ALG12: variants seen among roughly 807,000 people sequenced by gnomAD.
ALG12 encodes ALG12 alpha-1,6-mannosyltransferase, also known as dol-P-Man:Man(7)GlcNAc(2)-PP-Dol alpha-1,6-mannosyltransferase.
ALG12 carries 36 observed loss-of-function variants against 46.0 expected under a neutral mutation model. That is an observed-to-expected ratio of 0.78 (90% confidence interval 0.60 to 1.03). ALG12 has a LOEUF of 1.03. Ranked by LOEUF, ALG12 falls within the 50% of genes least tolerant of loss-of-function variation. The pLI is 0.00. For synonymous variants in ALG12, 326 were observed against 291.6 expected (o/e 1.12, Z -1.20); for missense variants, 599 against 633.5 (o/e 0.95, Z 0.58).
In ALG12 at chr22:49,913,859, C is replaced by T. The variant is rs1004052714; in HGVS notation, c.-78-16G>A. The stretch of plus-strand genomic sequence containing the variant: ...TCCACGCATGCTGGAAAAGTGGAAA[C>T]AGATTCCTGAGGTTCGAAAGTCACG... On this transcript the variant is annotated splice_polypyrimidine_tract_variant and intron_variant, in intron 1 of 9. Coordinates refer to ENST00000330817, the MANE Select transcript of ALG12 (RefSeq NM_024105.4). 1.4e-5 allele frequency: 21 copies of T among 1,554,450 alleles called. No homozygotes were observed. Among genetic ancestry groups the T allele is most frequent in the Non-Finnish European group, 1.8e-5 (21 of 1,136,826 alleles).
intron 3 of ALG12, among the ~76,000 whole-genome samples, chr22:49,911,714 G>A (rs62233159): frequency 0.078 from 11,940 of 152,148 alleles, 579 homozygotes; most frequent in South Asian, 0.12. Flanking sequence ...GATTACAGGC[G>A]TGAGCCACCA....
chr22:49,887,220 A>C, the ALG12 span: 1 of 1,559,880 alleles, frequency 6.4e-7, no homozygotes, highest in Non-Finnish European at 8.7e-7. Context: ...TGGCTGCCCC[A>C]GCGTTAGCAG....
downstream of ALG12, among the ~76,000 whole-genome samples, chr22:49,898,259 C>T (rs2060491513): frequency 6.6e-6 from 1 of 151,690 alleles, no homozygotes; most frequent in African/African-American, 2.4e-5. Context: ...CCTCCTTCCT[C>T]AGCCTCCCAA....
At chr22:49,913,236 A>C (rs1440411877) in intron 3 of ALG12, 149 bp downstream of exon 3, 5 of 1,272,080 alleles carry the variant, frequency 3.9e-6, no homozygotes, top group Non-Finnish European at 5.6e-6. Context: ...TGACCTGAGC[A>C]CCTGCTCTGA....
At chr22:49,907,687 C>G (rs775584084) in intron 7 of ALG12, 34 bp downstream of exon 7, 1 of 1,599,964 alleles carries the variant, frequency 6.3e-7, no homozygotes, top group Non-Finnish European at 8.6e-7. Flanking sequence ...TCCAATGAAA[C>G]TATAAAAATG....
downstream of ALG12, among the ~76,000 whole-genome samples, chr22:49,896,173 C>T (rs976536063): frequency 6.6e-6 from 1 of 152,226 alleles, no homozygotes; most frequent in Non-Finnish European, 1.5e-5. Flanking sequence ...TAAATATGCA[C>T]GTGTCTCTTG....
At chr22:49,909,840 T>G in intron 5 of ALG12, 54 bp downstream of exon 5, 1 of 1,611,134 alleles carries the variant, frequency 6.2e-7, no homozygotes, top group African/African-American at 1.3e-5. Flanking sequence ...TTGACCTTTG[T>G]AAAACAAGGC....
In ALG12 at chr22:49,901,478, TGTGTGCAC is replaced by T. The variant is rs1321202511; in HGVS notation, c.*2352_*2359del. The T allele has an allele frequency of 6.6e-6, 1 of 152,352 alleles. No homozygotes were observed. Among genetic ancestry groups the T allele is most frequent in the Non-Finnish European group, 1.5e-5 (1 of 68,102 alleles). 9.4% of individuals were successfully genotyped at this position (152,352 alleles called of 1,614,324 possible). Reference sequence around the variant, plus strand: ...GTGCATGTGTGGTATGTATGCATGGTGTGTGCACGTGTGCATTGTGTGCATGATTGCAT... The same window carrying T: ...GTGCATGTGTGGTATGTATGCATGGTGTGTGCATTGTGTGCATGATTGCAT... On this transcript the variant is annotated 3_prime_UTR_variant, in exon 10 of 10. Coordinates refer to ENST00000330817, the MANE Select transcript of ALG12 (RefSeq NM_024105.4).
In ALG12 at chr22:49,903,847, C is replaced by T. The variant is rs928325336; in HGVS notation, c.1458G>A (p.Arg486=). The change falls in exon 10 of 10, where the codon CGG becomes CGA. Residue 486 remains arginine (R), a synonymous_variant. Coordinates refer to ENST00000330817, the MANE Select transcript of ALG12 (RefSeq NM_024105.4). ...GGCTGCCTGGTCCCCCTCAGGACGG[C>T]CGGGGGAGCCTCTCCAGAAGCACCA... ...TKLVLLERLP[R]PS The T allele has an allele frequency of 1.2e-6, 2 of 1,614,198 alleles. No individual in the cohort carries two copies. Among genetic ancestry groups the T allele is most frequent in the Admixed American group, 3.3e-5 (2 of 60,030 alleles).
In ALG12 at chr22:49,904,033, T is replaced by G. The variant is rs368420135; in HGVS notation, c.1272A>C (p.Thr424=). Residue 424 remains threonine (T), a synonymous_variant, in exon 10 of 10, where the codon ACA becomes ACC. Coordinates refer to ENST00000330817, the MANE Select transcript of ALG12 (RefSeq NM_024105.4). The part of the protein sequence containing the change: ...YDKREDVQPG[T]GMLAYTHILM... ...GGATGTGTGTGTATGCCAGCATGCC[T>G]GTCCCCGGCTGCACATCCTCCCTCT... The G allele has an allele frequency of 9.3e-6, 15 of 1,614,070 alleles. No homozygotes were observed. Among genetic ancestry groups the G allele is most frequent in the Non-Finnish European group, 1.3e-5 (15 of 1,180,014 alleles).
chr22:49,914,962 C>G (rs2060601499), intron 1 of ALG12, among the ~76,000 whole-genome samples: 1 of 152,244 alleles, frequency 6.6e-6, no homozygotes, highest in Non-Finnish European at 1.5e-5. Context: ...TTCCTGGCTT[C>G]AAGCCATCTT....
At position 49,900,906 on chromosome 22, in the gene ALG12, G is replaced by C. The variant is rs533826030; in HGVS notation, c.*2932C>G. 1 of 152,286 alleles carries C rather than the reference G, an allele frequency of 6.6e-6. No homozygotes were observed. The highest frequency in any genetic ancestry group is 1.5e-5 in the Non-Finnish European group (1 of 68,088). 9.4% of individuals were successfully genotyped at this position (152,286 alleles called of 1,614,324 possible). On this transcript the variant is annotated 3_prime_UTR_variant, in exon 10 of 10. Coordinates refer to ENST00000330817, the MANE Select transcript of ALG12 (RefSeq NM_024105.4). Reference sequence around the variant, plus strand: ...CACCCCGTGGCATCGAGCACACCTCGTGTCTAGATCCCGGTCTCTAACGCT... The same window carrying C: ...CACCCCGTGGCATCGAGCACACCTCCTGTCTAGATCCCGGTCTCTAACGCT...
rs1569176378 is a variant in ALG12 at position 49,910,083 on chromosome 22, G to A, written c.475C>T (p.Leu159=). Residue 159 remains leucine, a synonymous_variant, in exon 5 of 10, where the codon CTG becomes TTG. Transcript: ENST00000330817. Reference sequence around the variant, plus strand: ...TGCCGCAGCCAGGCCGCGAGGGCCAGCAGGACTGCAAGACAGTGCGGGAGG... The same window carrying A: ...TGCCGCAGCCAGGCCGCGAGGGCCAACAGGACTGCAAGACAGTGCGGGAGG... ...PNVLALPVVL[L]ALAAWLRHEW... is the part of the protein sequence containing the mutation. 3 of 1,606,588 alleles carry A rather than the reference G, an allele frequency of 1.9e-6. No individual in the cohort carries two copies. Among genetic ancestry groups the A allele is most frequent in the Non-Finnish European group, 2.5e-6 (3 of 1,177,140 alleles).
chr22:49,884,667 C>T, the ALG12 span: 6 of 1,610,446 alleles, frequency 3.7e-6, no homozygotes, highest in Non-Finnish European at 5.1e-6. Flanking sequence ...GGAGGGCACA[C>T]CGCGCCATCG....
rs372655623 is a variant in ALG12 at position 49,907,769 on chromosome 22, T to C, written c.944A>G (p.Tyr315Cys). ...CGTGATGTTGAGCATGGGGAAGGCA[T>C]AGATGATGAAGCGTAGCTCCTTGTG... ...LPHKELRFIIYAFPMLNITAA... is the reference protein window; with the variant it reads ...LPHKELRFIICAFPMLNITAA... The change falls in exon 7 of 10, where the codon TAT becomes TGT. Residue 315 changes from tyrosine to cysteine, a missense_variant. Transcript: ENST00000330817. 4.5e-5 allele frequency: 72 copies of C among 1,613,992 alleles called. No individual in the cohort carries two copies. The South Asian group carries it at 5.3e-4, about 12-fold the overall frequency.
chr22:49,908,526 CAAAAAAAAAAA>C (rs11432710), intron 6 of ALG12, among the ~76,000 whole-genome samples: 10 of 55,028 alleles, frequency 1.8e-4, no homozygotes, highest in Admixed American at 1.1e-3. Context: ...GACTCTGTCT[CAAAAAAAAAAA>C]AAAAAAAAAC....
chr22:49,875,910 C>T, the ALG12 span, among the ~76,000 whole-genome samples: 3 of 150,954 alleles, frequency 2.0e-5, no homozygotes, highest in Admixed American at 6.6e-5. Context: ...TGCTCTTTCC[C>T]AAGAACCAGA....
chr22:49,867,262 T>C, the ALG12 span, among the ~76,000 whole-genome samples: 10 of 152,372 alleles, frequency 6.6e-5, no homozygotes, highest in South Asian at 2.1e-3. Flanking sequence ...AGAGGACTTG[T>C]ATAGTTTCAG....
At chr22:49,878,769 G>A in the ALG12 span, among the ~76,000 whole-genome samples, 1 of 152,056 alleles carries the variant, frequency 6.6e-6, no homozygotes, top group African/African-American at 2.4e-5. Context: ...AAGACGAGGT[G>A]GGTGGATCAC....
Sources: gnomAD v4.1 joint callset for allele counts (sites outside exome capture counted in the v4.1 genomes callset) on GRCh38, gnomAD v4.1.1 for gene constraint, MANE v1.5 for transcripts, NCBI Gene and HGNC (gene_info 2026-07-23, HGNC 2026-07-21) for gene names.